The following NTM variants were observed in gnomAD, a reference collection of about 807,000 sequenced individuals.
NTM encodes IgLON family member 2.
In NTM, 13 loss-of-function variants were observed where a neutral mutation model predicts 42.1. The observed-to-expected ratio is 0.31, with a 90% CI of 0.20 to 0.49. NTM has a LOEUF of 0.49. Ranked by LOEUF, NTM falls within the 20% of genes least tolerant of loss-of-function variation. The pLI is 0.99. For missense variants in NTM, 373 were observed against 452.8 expected (o/e 0.82, Z 1.60); for synonymous variants, 187 against 179.2 (o/e 1.04, Z -0.35).
intron 2 of NTM, among the ~76,000 whole-genome samples, chr11:132,097,202 C>T (rs2061110455): frequency 6.6e-6 from 1 of 152,194 alleles, no homozygotes; most frequent in African/African-American, 2.4e-5. Context: ...AACAGCTCAG[C>T]TCTCTAGAGA....
chr11:131,995,188 C>A (rs557906443), intron 2 of NTM, among the ~76,000 whole-genome samples: 9 of 152,160 alleles, frequency 5.9e-5, no homozygotes, highest in Non-Finnish European at 1.3e-4. Context: ...ATGATCTAAG[C>A]ACTTAGCAGG....
At chr11:131,510,328 G>T (rs545612098) in intron 1 of NTM, among the ~76,000 whole-genome samples, 9 of 152,326 alleles carry the variant, frequency 5.9e-5, no homozygotes, top group African/African-American at 1.9e-4. Flanking sequence ...GCCCAGAGCA[G>T]CAGGGAATCT....
chr11:131,586,977 A>G (rs1394823728), intron 1 of NTM, among the ~76,000 whole-genome samples: 2 of 152,164 alleles, frequency 1.3e-5, no homozygotes, highest in Non-Finnish European at 2.9e-5. Flanking sequence ...TTAAAAAATA[A>G]GTGATGCTCA....
At chr11:131,931,005 A>T (rs1254033038) in intron 2 of NTM, among the ~76,000 whole-genome samples, 25 of 152,184 alleles carry the variant, frequency 1.6e-4, no homozygotes, top group Admixed American at 1.6e-3. Flanking sequence ...AAATAAAAGC[A>T]GAAAGGCTTT....
Position 132,029,421 on chromosome 11 carries a change from A to G in NTM, c.168-116861A>G, listed in dbSNP as rs1311075309. ...TGTTCTCATTGTTCAGTTCCCACCT[A>G]TGAGTGAGAACATGCGGTGTTTGGT... On this transcript the variant is annotated intron_variant, in intron 2 of 8. Transcript: ENST00000683400. Among the ~76,000 whole-genome samples, 4 of 136,300 alleles carry G rather than the reference A, an allele frequency of 2.9e-5. No homozygotes were observed. The East Asian group carries it at 8.8e-4, about 30-fold the overall frequency. The allele number at this position is 136,300 out of a possible 152,430, so 89.4% of individuals were successfully genotyped here. A position where few individuals can be genotyped will look rare whatever the true frequency, so the allele number is the denominator to read the frequency against.
At chr11:131,848,183 T>C (rs536434819) in intron 1 of NTM, among the ~76,000 whole-genome samples, 2 of 152,328 alleles carry the variant, frequency 1.3e-5, no homozygotes, top group South Asian at 2.1e-4. Context: ...ACTGAATATA[T>C]ACTTTTTTCT....
intron 1 of NTM, among the ~76,000 whole-genome samples, chr11:131,790,393 G>A (rs548767285): frequency 6.6e-6 from 1 of 151,302 alleles, no homozygotes; most frequent in South Asian, 2.1e-4. Context: ...CAATACATTG[G>A]GATTCAGGTA....
chr11:132,273,317 T>G (rs918369841), intron 4 of NTM, among the ~76,000 whole-genome samples: 3 of 142,390 alleles, frequency 2.1e-5, no homozygotes, highest in African/African-American at 7.8e-5. Flanking sequence ...GTGTTTTTTT[T>G]TTTTTTTTTT....
chr11:131,492,654 A>G (rs947138044), intron 1 of NTM, among the ~76,000 whole-genome samples: 5 of 152,126 alleles, frequency 3.3e-5, no homozygotes, highest in Non-Finnish European at 7.4e-5. Context: ...TCAACACCTC[A>G]AGACTTCAAA....
intron 1 of NTM, chr11:131,536,202 G>A (rs942304340): frequency 6.6e-6 from 1 of 152,164 alleles, no homozygotes; most frequent in African/African-American, 2.4e-5. Flanking sequence ...GGTACAAGGT[G>A]GTAAAGTGCA....
intron 1 of NTM, among the ~76,000 whole-genome samples, chr11:131,456,889 T>C (rs973852519): frequency 1.3e-5 from 2 of 152,208 alleles, no homozygotes; most frequent in African/African-American, 4.8e-5. Context: ...CTCTATGATT[T>C]TCATGCTTTT....
intron 2 of NTM, among the ~76,000 whole-genome samples, chr11:132,004,987 G>A (rs771292476): frequency 3.3e-5 from 5 of 152,194 alleles, no homozygotes; most frequent in Non-Finnish European, 5.9e-5. Flanking sequence ...ACAACGGGAT[G>A]CTAGGACTAA....
intron 1 of NTM, among the ~76,000 whole-genome samples, chr11:131,908,954 G>C (rs890556892): frequency 6.6e-6 from 1 of 152,204 alleles, no homozygotes; most frequent in African/African-American, 2.4e-5. Context: ...GCCATAAGTT[G>C]ACGATTGATA....
intron 1 of NTM, among the ~76,000 whole-genome samples, chr11:131,892,914 C>G (rs2051605006): frequency 6.6e-6 from 1 of 152,228 alleles, no homozygotes; most frequent in African/African-American, 2.4e-5. Context: ...TGCTGTTCTT[C>G]CCTGGGAACA....
intron 2 of NTM, among the ~76,000 whole-genome samples, chr11:131,926,488 C>CGG (rs1202248217): frequency 6.6e-6 from 1 of 151,766 alleles, no homozygotes; most frequent in Non-Finnish European, 1.5e-5. Flanking sequence ...GGCAGAGTAT[C>CGG]GGCAAGTGGA....
intron 2 of NTM, among the ~76,000 whole-genome samples, chr11:131,971,750 GA>G (rs201385891): frequency 0.28 from 41,358 of 148,194 alleles, 6,117 homozygotes; most frequent in African/African-American, 0.39. Flanking sequence ...ACAAAAAAAA[GA>G]AAAAAAAAAA....
chr11:131,425,258 C>G (rs1003478115), intron 1 of NTM, among the ~76,000 whole-genome samples: 2 of 148,618 alleles, frequency 1.3e-5, no homozygotes, highest in African/African-American at 5.0e-5. Flanking sequence ...AGAAATAATT[C>G]AAATGAAATA....
At chr11:131,987,770 A>C (rs1273026063) in intron 2 of NTM, among the ~76,000 whole-genome samples, 1 of 152,212 alleles carries the variant, frequency 6.6e-6, no homozygotes, top group Non-Finnish European at 1.5e-5. Flanking sequence ...AAAAGTCCAA[A>C]CACTCAAATG....
intron 1 of NTM, among the ~76,000 whole-genome samples, chr11:131,752,928 G>T (rs890715926): frequency 6.6e-6 from 1 of 152,166 alleles, no homozygotes; most frequent in African/African-American, 2.4e-5. Flanking sequence ...CACAGCAAAA[G>T]AAACTACCAT....
Sources: allele counts gnomAD v4.1 joint callset (sites outside exome capture counted in the v4.1 genomes callset), GRCh38; gene constraint gnomAD v4.1.1; transcripts MANE v1.5; gene names NCBI Gene and HGNC (gene_info 2026-07-23, HGNC 2026-07-21).